B3GALT1: variants seen among roughly 807,000 people sequenced by gnomAD.
B3GALT1 encodes the protein beta-1,3-galactosyltransferase 1, also known as UDP-Gal:betaGlcNAc beta 1,3-galactosyltransferase, polypeptide 1.
B3GALT1 carries 10 observed loss-of-function variants against 23.2 expected under a neutral mutation model. The ratio of observed to expected loss-of-function variants is 0.43; its 90% CI spans 0.27 to 0.73. The LOEUF (loss-of-function observed/expected upper bound fraction) is 0.73. Among genes scored for constraint, B3GALT1 ranks in the 30% least tolerant of loss-of-function variants. The probability of loss-of-function intolerance (pLI) is 0.21; values close to 1 mark genes in which losing one functional copy is unlikely to be tolerated. For missense variants in B3GALT1, 299 were observed against 405.4 expected (o/e 0.74, Z 2.25); for synonymous variants, 156 against 141.5 (o/e 1.10, Z -0.73).
At chr2:167,308,652 C>T (rs1223975622) in intron 1 of B3GALT1, among the ~76,000 whole-genome samples, 1 of 151,884 alleles carries the variant, frequency 6.6e-6, no homozygotes, top group Non-Finnish European at 1.5e-5. Flanking sequence ...AGGAGTTGAG[C>T]ACATTTCTTC....
At chr2:167,813,003 C>G (rs1208018253) in intron 3 of B3GALT1, among the ~76,000 whole-genome samples, 1 of 139,898 alleles carries the variant, frequency 7.1e-6, no homozygotes, top group East Asian at 2.3e-4. Flanking sequence ...CCCACCCCCC[C>G]CCACACAGTT....
At chr2:167,772,506 G>A (rs1267271720) in intron 3 of B3GALT1, among the ~76,000 whole-genome samples, 2 of 152,166 alleles carry the variant, frequency 1.3e-5, no homozygotes, top group Non-Finnish European at 2.9e-5. Context: ...TAACTGGAAA[G>A]CCACTGTTCA....
intron 4 of B3GALT1, among the ~76,000 whole-genome samples, chr2:167,824,826 G>T (rs567042730): frequency 1.4e-4 from 22 of 152,320 alleles, no homozygotes; most frequent in South Asian, 6.2e-4. Flanking sequence ...GATCAGGGTT[G>T]CAGGATCATG....
chr2:167,408,731 A>G (rs757216060), intron 1 of B3GALT1, among the ~76,000 whole-genome samples: 4 of 151,360 alleles, frequency 2.6e-5, no homozygotes, highest in Non-Finnish European at 4.4e-5. Flanking sequence ...AACCAAGCCC[A>G]TTTCCAATAG....
At position 167,424,552 on chromosome 2, in the gene B3GALT1, T is replaced by C. The variant is rs143298602; in HGVS notation, c.-510-65625T>C. Among the ~76,000 whole-genome samples, 174 of 151,990 alleles carry C rather than the reference T, an allele frequency of 1.1e-3. 1 individual carries two copies. The East Asian group carries it at 0.018, about 16-fold the overall frequency. ...TTCAGAAGTGTTCTCTACATTAGTGTGTGTGTGTGTTTGTGTGTGTGTGTT... is the reference window on the plus strand; with the variant it reads ...TTCAGAAGTGTTCTCTACATTAGTGCGTGTGTGTGTTTGTGTGTGTGTGTT... On this transcript the variant is annotated intron_variant, in intron 1 of 4. Transcript: ENST00000392690.
chr2:167,498,719 G>A (rs558793336), intron 2 of B3GALT1, among the ~76,000 whole-genome samples: 5 of 152,232 alleles, frequency 3.3e-5, no homozygotes, highest in South Asian at 2.1e-4. Flanking sequence ...TTCAGGATTA[G>A]TTATATGGGA....
chr2:167,369,877 T>C (rs1380252893), intron 1 of B3GALT1, among the ~76,000 whole-genome samples: 6 of 152,172 alleles, frequency 3.9e-5, no homozygotes, highest in Non-Finnish European at 8.8e-5. Flanking sequence ...ATAAAAAATA[T>C]TCTTCATGGC....
At chr2:167,576,531 TG>T (rs375543849) in intron 2 of B3GALT1, among the ~76,000 whole-genome samples, 2 of 140,302 alleles carry the variant, frequency 1.4e-5, no homozygotes, top group African/African-American at 5.3e-5. Context: ...TTTTTTTTTT[TG>T]TTTTTTTTTT....
intron 3 of B3GALT1, among the ~76,000 whole-genome samples, chr2:167,738,343 G>A (rs1687523891): frequency 6.6e-6 from 1 of 152,138 alleles, no homozygotes; most frequent in Non-Finnish European, 1.5e-5. Context: ...TATGGAGTGG[G>A]CCAAGGAGTG....
At chr2:167,548,207 T>C (rs1238278169) in intron 2 of B3GALT1, among the ~76,000 whole-genome samples, 1 of 152,176 alleles carries the variant, frequency 6.6e-6, no homozygotes, top group Non-Finnish European at 1.5e-5. Context: ...AGGGCTGGAA[T>C]GGAAGCCCAG....
chr2:167,841,739 G>A (rs1304252306), intron 4 of B3GALT1, among the ~76,000 whole-genome samples: 1 of 152,076 alleles, frequency 6.6e-6, no homozygotes, highest in Admixed American at 6.5e-5. Flanking sequence ...AAAGTAAAAT[G>A]CCCTAACCAA....
intron 1 of B3GALT1, among the ~76,000 whole-genome samples, chr2:167,326,383 G>C (rs963995815): frequency 4.0e-5 from 6 of 151,514 alleles, no homozygotes; most frequent in Non-Finnish European, 8.8e-5. Context: ...CCATTAAAAA[G>C]GTTTTCTCTT....
chr2:167,675,977 C>T (rs1314255433), intron 3 of B3GALT1, among the ~76,000 whole-genome samples: 2 of 151,628 alleles, frequency 1.3e-5, no homozygotes, highest in East Asian at 3.9e-4. Context: ...AAAGCAGCTC[C>T]CAGAAATGGT....
chr2:167,789,818 G>A (rs951656475), intron 3 of B3GALT1, among the ~76,000 whole-genome samples: 1 of 152,012 alleles, frequency 6.6e-6, no homozygotes, highest in Non-Finnish European at 1.5e-5. Flanking sequence ...TGGATCAGCA[G>A]TCACTTATGC....
At chr2:167,691,647 C>T (rs193245313) in intron 3 of B3GALT1, among the ~76,000 whole-genome samples, 2 of 152,126 alleles carry the variant, frequency 1.3e-5, no homozygotes, top group East Asian at 1.9e-4. Flanking sequence ...TTTGTTGGTG[C>T]GTAGCAGATT....
At chr2:167,691,859 G>A (rs1277763673) in intron 3 of B3GALT1, among the ~76,000 whole-genome samples, 2 of 152,158 alleles carry the variant, frequency 1.3e-5, no homozygotes, top group Admixed American at 6.6e-5. Flanking sequence ...CCTATAAGAT[G>A]TGCATATATA....
chr2:167,341,633 G>A (rs960327585), intron 1 of B3GALT1, among the ~76,000 whole-genome samples: 1 of 152,064 alleles, frequency 6.6e-6, no homozygotes, highest in Non-Finnish European at 1.5e-5. Flanking sequence ...CTGCACTCCA[G>A]CCTGGGCAGG....
intron 4 of B3GALT1, among the ~76,000 whole-genome samples, chr2:167,846,112 G>A (rs1164981251): frequency 6.6e-6 from 1 of 152,044 alleles, no homozygotes; most frequent in African/African-American, 2.4e-5. Context: ...TATGTTAAAT[G>A]ACCAAACCTA....
chr2:167,491,610 C>T (rs1006016408), intron 2 of B3GALT1, among the ~76,000 whole-genome samples: 14 of 150,616 alleles, frequency 9.3e-5, no homozygotes, highest in Non-Finnish European at 1.9e-4. Context: ...GTCAGGAGAT[C>T]GAGACCATCC....
Sources: gnomAD v4.1 joint callset for allele counts (sites outside exome capture counted in the v4.1 genomes callset) on GRCh38, gnomAD v4.1.1 for gene constraint, MANE v1.5 for transcripts, NCBI Gene and HGNC (gene_info 2026-07-23, HGNC 2026-07-21) for gene names.